Variants in ZNF407 observed in about 807,000 individuals in gnomAD.
The protein encoded by ZNF407 is zinc finger protein 407.
Under a neutral mutation model 131.2 loss-of-function variants are expected in ZNF407, and 17 were observed. That is an observed-to-expected ratio of 0.13 (90% CI 0.09 to 0.19). The LOEUF is 0.19. Among genes scored for constraint, ZNF407 ranks in the 10% least tolerant of loss-of-function variants. The probability of loss-of-function intolerance (pLI) is 1.00; values close to 1 mark genes in which losing one functional copy is unlikely to be tolerated. For synonymous variants in ZNF407, 1,156 were observed against 1,062.0 expected (o/e 1.09, Z -1.72); for missense variants, 2,681 against 2,830.6 (o/e 0.95, Z 1.20).
At chr18:74,975,103 T>C (rs1972514111) in intron 8 of ZNF407, among the ~76,000 whole-genome samples, 1 of 152,214 alleles carries the variant, frequency 6.6e-6, no homozygotes, top group African/African-American at 2.4e-5. Context: ...ATTTGAGTAA[T>C]GTACATTTAG....
Position 74,630,993 on chromosome 18 carries a change from G to A in ZNF407, c.-27G>A, listed in dbSNP as rs763804642. 5.1e-6 allele frequency: 8 copies of A among 1,578,702 alleles called. No homozygotes were observed. The South Asian group carries it at 8.2e-5, about 16-fold the overall frequency. ...TTATGAGTGCCAGTGAGCCGCCTTAGATAGAAGCATCGTCAGCACTTTATT... is the reference window on the plus strand; with the variant it reads ...TTATGAGTGCCAGTGAGCCGCCTTAAATAGAAGCATCGTCAGCACTTTATT... On this transcript the variant is annotated 5_prime_UTR_variant, in exon 2 of 9. The change abolishes the stop of an existing upstream ORF in the 5' untranslated region. Coordinates refer to ENST00000299687, the MANE Select transcript of ZNF407 (RefSeq NM_017757.3).
intron 3 of ZNF407, among the ~76,000 whole-genome samples, chr18:74,779,207 C>G (rs1292758530): frequency 6.8e-6 from 1 of 147,250 alleles, no homozygotes; most frequent in Non-Finnish European, 1.5e-5. Context: ...GCTCCGCCTC[C>G]CGGGTTCACG....
chr18:74,690,711 C>A (rs1046651512), intron 3 of ZNF407, among the ~76,000 whole-genome samples: 4 of 152,072 alleles, frequency 2.6e-5, no homozygotes, highest in Non-Finnish European at 4.4e-5. Flanking sequence ...GCTAGCATTT[C>A]ATTAATATTT....
Position 74,653,595 on chromosome 18 carries a change from A to C in ZNF407, c.4802+12473A>C, listed in dbSNP as rs59989254. Among the ~76,000 whole-genome samples the C allele has an allele frequency of 3.9e-3, 586 of 152,034 alleles. 1 individual carries two copies. The highest frequency in any genetic ancestry group is 0.013 in the African/African-American group (556 of 41,558). On this transcript the variant is annotated intron_variant, in intron 3 of 8. Transcript: ENST00000299687. ...GGTTTTTAGCAATTAAATGCTAAAT[A>C]TATTTAACATGTATCGATATGCTTA...
At chr18:74,770,960 A>G (rs1193463271) in intron 3 of ZNF407, among the ~76,000 whole-genome samples, 2 of 152,214 alleles carry the variant, frequency 1.3e-5, no homozygotes, top group Non-Finnish European at 2.9e-5. Flanking sequence ...TTCATTAAAT[A>G]TAATAGCATT....
At position 74,626,828 on chromosome 18, in the gene ZNF407, C is replaced by A. The variant is rs1425609487; in HGVS notation, c.-53-4139C>A. ...ACTAGACCAGGCAAAACTAAACTAT[C>A]GTGGAAGAATTCTGAATAGTGGTTG... On this transcript the variant is annotated intron_variant, in intron 1 of 8. Coordinates refer to ENST00000299687, the MANE Select transcript of ZNF407 (RefSeq NM_017757.3). Among the ~76,000 whole-genome samples, 3 of 152,166 alleles carry A rather than the reference C, an allele frequency of 2.0e-5. No individual in the cohort carries two copies. In the East Asian group the frequency reaches 5.8e-4, roughly 29 times the overall value.
chr18:74,849,632 T>G (rs1970753606), intron 4 of ZNF407, among the ~76,000 whole-genome samples: 1 of 152,178 alleles, frequency 6.6e-6, no homozygotes, highest in African/African-American at 2.4e-5. Context: ...CTCCGTGCTC[T>G]TCAGTCTTTA....
intron 4 of ZNF407, among the ~76,000 whole-genome samples, chr18:74,821,748 T>C (rs1207033193): frequency 6.6e-6 from 1 of 152,212 alleles, no homozygotes; most frequent in African/African-American, 2.4e-5. Flanking sequence ...CATGTGTCTT[T>C]ATAGTAGAAT....
At chr18:74,673,015 G>A (rs1371070030) in intron 3 of ZNF407, among the ~76,000 whole-genome samples, 1 of 152,086 alleles carries the variant, frequency 6.6e-6, no homozygotes, top group African/African-American at 2.4e-5. Flanking sequence ...TGGAAGAGAC[G>A]AAGTTAGTAT....
chr18:74,731,123 CTG>C (rs1326560723), intron 3 of ZNF407, among the ~76,000 whole-genome samples: 1 of 152,124 alleles, frequency 6.6e-6, no homozygotes, highest in African/African-American at 2.4e-5. Flanking sequence ...TCTTGAAACT[CTG>C]TAGGCTCTCC....
At chr18:74,922,969 G>A (rs937450120) in intron 8 of ZNF407, among the ~76,000 whole-genome samples, 9 of 152,206 alleles carry the variant, frequency 5.9e-5, no homozygotes, top group African/African-American at 2.2e-4. Context: ...CACAGAATGT[G>A]TGTGCCATCT....
intron 3 of ZNF407, among the ~76,000 whole-genome samples, chr18:74,750,603 C>T (rs2144943088): frequency 6.6e-6 from 1 of 152,276 alleles, no homozygotes; most frequent in Non-Finnish European, 1.5e-5. Context: ...GTTTGGTATT[C>T]ACCCGTTCAT....
intron 3 of ZNF407, among the ~76,000 whole-genome samples, chr18:74,653,058 T>C (rs747961453): frequency 6.6e-5 from 10 of 152,028 alleles, no homozygotes; most frequent in Non-Finnish European, 1.3e-4. Context: ...CTATGTTCTG[T>C]ATTTAGATTT....
At chr18:74,979,693 T>C (rs1972566791) in intron 8 of ZNF407, among the ~76,000 whole-genome samples, 1 of 152,210 alleles carries the variant, frequency 6.6e-6, no homozygotes, top group South Asian at 2.1e-4. Flanking sequence ...GATTGAAAGA[T>C]TTATGAAGAA....
At chr18:75,022,832 G>A (rs1290963759) in intron 8 of ZNF407, among the ~76,000 whole-genome samples, 1 of 152,092 alleles carries the variant, frequency 6.6e-6, no homozygotes, top group African/African-American at 2.4e-5. Context: ...ATTACTAAAT[G>A]TATACCCCAA....
chr18:75,028,869 T>C (rs1973202870), intron 8 of ZNF407, among the ~76,000 whole-genome samples: 2 of 152,260 alleles, frequency 1.3e-5, no homozygotes, highest in Admixed American at 1.3e-4. Flanking sequence ...GGGCTCTGCA[T>C]CTGCGAACAT....
intron 3 of ZNF407, among the ~76,000 whole-genome samples, chr18:74,733,577 A>G (rs949213406): frequency 6.6e-6 from 1 of 152,160 alleles, no homozygotes; most frequent in African/African-American, 2.4e-5. Flanking sequence ...GAATCTTGTG[A>G]TTTCTAGTCA....
intron 4 of ZNF407, among the ~76,000 whole-genome samples, chr18:74,846,641 C>G (rs957329914): frequency 6.6e-6 from 1 of 151,346 alleles, no homozygotes. Flanking sequence ...TTTAAGGCAT[C>G]GAAGTCTTCC....
intron 3 of ZNF407, among the ~76,000 whole-genome samples, chr18:74,726,844 G>A (rs1163178908): frequency 6.6e-6 from 1 of 152,108 alleles, no homozygotes; most frequent in Non-Finnish European, 1.5e-5. Context: ...AGTGCTTTGG[G>A]GGCAGTGTCA....
Sources: gnomAD v4.1 joint callset for allele counts (sites outside exome capture counted in the v4.1 genomes callset) on GRCh38, gnomAD v4.1.1 for gene constraint, MANE v1.5 for transcripts, NCBI Gene and HGNC (gene_info 2026-07-23, HGNC 2026-07-21) for gene names.